The following LINGO2 variants were observed in gnomAD, a reference collection of about 807,000 sequenced individuals.
LINGO2 encodes the protein leucine-rich repeat and immunoglobulin-like domain-containing nogo receptor-interacting protein 2.
Under a neutral mutation model 30.6 loss-of-function variants are expected in LINGO2, and 14 were observed. The observed-to-expected ratio is 0.46, with a 90% CI of 0.30 to 0.72. The LOEUF is 0.72. Among genes scored for constraint, LINGO2 ranks in the 30% least tolerant of loss-of-function variants. The pLI is 0.07. For synonymous variants in LINGO2, 317 were observed against 288.5 expected (o/e 1.10, Z -1.00); for missense variants, 729 against 751.7 (o/e 0.97, Z 0.35).
intron 3 of LINGO2, among the ~76,000 whole-genome samples, chr9:28,333,156 A>C (rs1404369774): frequency 6.6e-6 from 1 of 152,238 alleles, no homozygotes; most frequent in Non-Finnish European, 1.5e-5. Flanking sequence ...AGTCACACAA[A>C]AAGAAGAACA....
At chr9:28,171,195 C>T (rs998439725) in intron 4 of LINGO2, among the ~76,000 whole-genome samples, 9 of 152,030 alleles carry the variant, frequency 5.9e-5, no homozygotes, top group Non-Finnish European at 8.8e-5. Context: ...AAATGAAAAC[C>T]GACTGCAACA....
At chr9:27,988,428 G>A (rs138364956) in intron 5 of LINGO2, among the ~76,000 whole-genome samples, 442 of 152,138 alleles carry the variant, frequency 2.9e-3, no homozygotes, top group African/African-American at 0.01. Flanking sequence ...TCACCACACT[G>A]TCTTCCACAA....
intron 5 of LINGO2, among the ~76,000 whole-genome samples, chr9:28,001,577 T>G (rs1252379855): frequency 6.6e-6 from 1 of 152,208 alleles, no homozygotes; most frequent in East Asian, 1.9e-4. Context: ...CAAGATTTAT[T>G]TGCCCAAGTC....
intron 5 of LINGO2, among the ~76,000 whole-genome samples, chr9:27,964,551 C>G (rs4969135): frequency 0.28 from 43,140 of 151,984 alleles, 7,274 homozygotes; most frequent in East Asian, 0.44. Flanking sequence ...AATGGGCATA[C>G]AACTACTAAA....
At chr9:28,180,547 T>C (rs936122502) in intron 4 of LINGO2, among the ~76,000 whole-genome samples, 1 of 152,200 alleles carries the variant, frequency 6.6e-6, no homozygotes, top group Non-Finnish European at 1.5e-5. Context: ...TCTTGCTTCA[T>C]TCTCAGTCCT....
intron 2 of LINGO2, among the ~76,000 whole-genome samples, chr9:28,429,273 A>G (rs1823545890): frequency 6.6e-6 from 1 of 152,184 alleles, no homozygotes; most frequent in African/African-American, 2.4e-5. Flanking sequence ...TATGCTCTGG[A>G]CTTTTTTCTT....
the LINGO2 span, among the ~76,000 whole-genome samples, chr9:28,805,605 T>C: frequency 6.6e-6 from 1 of 152,188 alleles, no homozygotes; most frequent in Non-Finnish European, 1.5e-5. Context: ...AAGGGCATCA[T>C]GGTAAAAATA....
the LINGO2 span, among the ~76,000 whole-genome samples, chr9:28,904,972 C>T: frequency 3.9e-5 from 6 of 151,900 alleles, no homozygotes; most frequent in Non-Finnish European, 7.4e-5. Context: ...AATAAATCCA[C>T]GCATTTATAG....
intron 1 of LINGO2, among the ~76,000 whole-genome samples, chr9:28,506,937 ATTACT>A (rs1370541465): frequency 2.0e-4 from 31 of 152,162 alleles, no homozygotes; most frequent in Admixed American, 1.8e-3. Flanking sequence ...ATTTTCCTAC[ATTACT>A]ATAAAATTCA....
At chr9:29,109,740 ATAGAGT>A in the LINGO2 span, among the ~76,000 whole-genome samples, 1 of 152,220 alleles carries the variant, frequency 6.6e-6, no homozygotes, top group Non-Finnish European at 1.5e-5. Context: ...TTTGCAACGC[ATAGAGT>A]TAATTTAGAA....
chr9:28,290,930 C>T (rs1025707425), intron 4 of LINGO2, among the ~76,000 whole-genome samples: 2 of 152,124 alleles, frequency 1.3e-5, no homozygotes, highest in Non-Finnish European at 2.9e-5. Context: ...CCCACCCCAA[C>T]CCCAGCAGCT....
the LINGO2 span, among the ~76,000 whole-genome samples, chr9:28,947,753 ATAT>A: frequency 6.6e-6 from 1 of 151,354 alleles, no homozygotes. Context: ...TTTCCTTTAT[ATAT>A]ATGTAATATG....
intron 4 of LINGO2, among the ~76,000 whole-genome samples, chr9:28,262,918 C>A (rs1221283536): frequency 6.6e-6 from 1 of 151,942 alleles, no homozygotes; most frequent in Non-Finnish European, 1.5e-5. Flanking sequence ...GACTGTGTAA[C>A]AAGTAAGTTT....
At chr9:29,213,592 G>GCA in the LINGO2 span, among the ~76,000 whole-genome samples, 1 of 152,014 alleles carries the variant, frequency 6.6e-6, no homozygotes, top group South Asian at 2.1e-4. Flanking sequence ...CTCGGGCTGC[G>GCA]CACACACACA....
intron 5 of LINGO2, among the ~76,000 whole-genome samples, chr9:28,009,408 TAATACC>T (rs1377858798): frequency 6.7e-6 from 1 of 149,210 alleles, no homozygotes; most frequent in Non-Finnish European, 1.5e-5. Flanking sequence ...GTGCTGCAAA[TAATACC>T]ATTAAGAAAA....
intron 4 of LINGO2, among the ~76,000 whole-genome samples, chr9:28,098,338 A>C (rs893275030): frequency 4.2e-5 from 6 of 142,826 alleles, no homozygotes; most frequent in Non-Finnish European, 6.4e-5. Flanking sequence ...GCAAAAAAAA[A>C]CTCTATACCA....
chr9:28,236,340 A>T (rs1821564130), intron 4 of LINGO2, among the ~76,000 whole-genome samples: 1 of 152,186 alleles, frequency 6.6e-6, no homozygotes, highest in Non-Finnish European at 1.5e-5. Flanking sequence ...GATTTCTTCA[A>T]TCTGAAAAAT....
At chr9:28,935,487 T>C in the LINGO2 span, among the ~76,000 whole-genome samples, 4 of 152,228 alleles carry the variant, frequency 2.6e-5, no homozygotes, top group Admixed American at 2.6e-4. Flanking sequence ...GTAATGAATG[T>C]TGATGCATAC....
At chr9:28,310,288 A>T (rs988977469) in intron 3 of LINGO2, among the ~76,000 whole-genome samples, 1 of 152,192 alleles carries the variant, frequency 6.6e-6, no homozygotes, top group Non-Finnish European at 1.5e-5. Flanking sequence ...AAACTACTCA[A>T]ACATCCACCA....
Sources: gnomAD v4.1 joint callset for allele counts (sites outside exome capture counted in the v4.1 genomes callset) on GRCh38, gnomAD v4.1.1 for gene constraint, MANE v1.5 for transcripts, NCBI Gene and HGNC (gene_info 2026-07-23, HGNC 2026-07-21) for gene names.